Variants in MEIS1 observed in about 807,000 individuals in gnomAD.
MEIS1 encodes Meis homeobox 1, also known as homeobox protein Meis1.
A neutral mutation model predicts 50.8 loss-of-function variants in MEIS1; 5 were observed. That is an observed-to-expected ratio of 0.10 (90% CI 0.05 to 0.21). The LOEUF (loss-of-function observed/expected upper bound fraction) is 0.21. Ranked by LOEUF, MEIS1 falls within the 10% of genes least tolerant of loss-of-function variation. The probability of loss-of-function intolerance (pLI) is 1.00; values close to 1 mark genes in which losing one functional copy is unlikely to be tolerated. For missense variants in MEIS1, 318 were observed against 517.3 expected (o/e 0.61, Z 3.74); for synonymous variants, 176 against 179.3 (o/e 0.98, Z 0.15).
chr2:66,497,478 A>G (rs951033780), intron 7 of MEIS1, among the ~76,000 whole-genome samples: 1 of 152,182 alleles, frequency 6.6e-6, no homozygotes, highest in African/African-American at 2.4e-5. Flanking sequence ...TTGTCTAGAG[A>G]AGAGATGGAA....
chr2:66,457,915 G>C (rs1672430839), intron 6 of MEIS1, among the ~76,000 whole-genome samples: 1 of 152,210 alleles, frequency 6.6e-6, no homozygotes. Flanking sequence ...AGACAAGCCA[G>C]CTCTTTCAGG....
chr2:66,519,290 C>CA (rs922056402), intron 8 of MEIS1, among the ~76,000 whole-genome samples: 4 of 151,786 alleles, frequency 2.6e-5, no homozygotes, highest in Non-Finnish European at 5.9e-5. Flanking sequence ...CATGTGGTAG[C>CA]AAAAAAAATA....
At chr2:66,557,254 A>G (rs1040198888) in intron 9 of MEIS1, among the ~76,000 whole-genome samples, 4 of 152,260 alleles carry the variant, frequency 2.6e-5, no homozygotes, top group African/African-American at 9.6e-5. Context: ...GTCCACTAGA[A>G]TGTACTTATT....
At chr2:66,566,823 AAC>A (rs1491076637) in intron 9 of MEIS1, among the ~76,000 whole-genome samples, 8 of 127,594 alleles carry the variant, frequency 6.3e-5, no homozygotes, top group Admixed American at 7.9e-5. Flanking sequence ...AAAAAAAAAA[AAC>A]AACAACAACA....
rs535303435 is a variant in MEIS1 at position 66,527,940 on chromosome 2, A to C, written c.888+15646A>C. ...CTACTATGTACAAGGAACCATATAC[A>C]TCCGGAACGTTCTATGATGTTTGAA... On this transcript the variant is annotated intron_variant, in intron 8 of 12. Coordinates refer to ENST00000272369, the MANE Select transcript of MEIS1 (RefSeq NM_002398.3). Among the ~76,000 whole-genome samples the C allele has an allele frequency of 1.7e-4, 26 of 152,266 alleles. No individual in the cohort carries two copies. In the South Asian group the frequency reaches 4.6e-3, roughly 27 times the overall value.
intron 8 of MEIS1, among the ~76,000 whole-genome samples, chr2:66,524,043 A>C (rs1183624436): frequency 1.3e-5 from 2 of 152,214 alleles, no homozygotes; most frequent in Non-Finnish European, 2.9e-5. Context: ...AGAGACCAAA[A>C]TTTGCTCTTA....
rs191255667 is a variant in MEIS1 at position 66,475,025 on chromosome 2, A to G, written c.742+10805A>G. ...CTGTTGTAGTTTGACTCTTTCCTTG[A>G]GTGCCCCTACTACTTATGACAGCCA... On this transcript the variant is annotated intron_variant, in intron 7 of 12. Coordinates refer to ENST00000272369, the MANE Select transcript of MEIS1 (RefSeq NM_002398.3). Among the ~76,000 whole-genome samples the G allele has an allele frequency of 4.4e-3, 663 of 151,828 alleles. 6 individuals are homozygous for G. The highest frequency in any genetic ancestry group is 0.015 in the African/African-American group (633 of 41,462).
intron 8 of MEIS1, among the ~76,000 whole-genome samples, chr2:66,543,118 G>C (rs376296014): frequency 3.3e-5 from 5 of 152,180 alleles, no homozygotes; most frequent in African/African-American, 9.7e-5. Context: ...TCTTGAGTAA[G>C]TCACCATTTT....
intron 8 of MEIS1, among the ~76,000 whole-genome samples, chr2:66,525,652 T>A (rs372653466): frequency 1.6e-4 from 24 of 152,348 alleles, no homozygotes; most frequent in African/African-American, 5.8e-4. Flanking sequence ...TCTGAAAGCT[T>A]CTGATAGACG....
intron 8 of MEIS1, among the ~76,000 whole-genome samples, chr2:66,530,886 G>A (rs1358508118): frequency 6.6e-6 from 1 of 152,198 alleles, no homozygotes; most frequent in Admixed American, 6.5e-5. Flanking sequence ...AGTACTGGTT[G>A]TATAAGAAGT....
At chr2:66,506,606 T>G (rs1376264433) in intron 7 of MEIS1, among the ~76,000 whole-genome samples, 1 of 152,132 alleles carries the variant, frequency 6.6e-6, no homozygotes, top group Non-Finnish European at 1.5e-5. Flanking sequence ...ACCAAAGGAT[T>G]TTAAGTACCA....
At chr2:66,549,204 A>G (rs547100452) in intron 9 of MEIS1, among the ~76,000 whole-genome samples, 2 of 152,260 alleles carry the variant, frequency 1.3e-5, no homozygotes, top group East Asian at 3.9e-4. Context: ...TTGCCTTTGG[A>G]GGATTAATTT....
chr2:66,484,468 T>G (rs1394327242), intron 7 of MEIS1, among the ~76,000 whole-genome samples: 1 of 152,210 alleles, frequency 6.6e-6, no homozygotes, highest in Non-Finnish European at 1.5e-5. Context: ...ATTTATCCCT[T>G]CTCAAGGGAT....
rs1346106256 is a variant in MEIS1, at chr2:66,435,872, C to T, written c.12+4C>T. The T allele has an allele frequency of 2.6e-6, 4 of 1,558,436 alleles. No individual in the cohort carries two copies. Among genetic ancestry groups the T allele is most frequent in the Non-Finnish European group, 3.5e-6 (4 of 1,158,930 alleles). ...AGAGAGGCCGATGGCGCAAAGGGTA[C>T]GTATTAAAAAACAATTGTGGAACTC... is the stretch of plus-strand genomic sequence containing the variant. On this transcript the variant is annotated splice_donor_region_variant and intron_variant, in intron 1 of 12. Coordinates refer to ENST00000272369, the MANE Select transcript of MEIS1 (RefSeq NM_002398.3).
chr2:66,552,650 C>T (rs1674949219), intron 9 of MEIS1, among the ~76,000 whole-genome samples: 2 of 152,086 alleles, frequency 1.3e-5, no homozygotes, highest in Admixed American at 6.5e-5. Context: ...GTATGTTATC[C>T]TTGGAGATTT....
rs1672028202 is a variant in MEIS1 at position 66,442,808 on chromosome 2, G to A, written c.484-94G>A. On this transcript the variant is annotated intron_variant, in intron 5 of 12. Transcript: ENST00000272369. ...TGCCCTGTGTTTCCCCTATTTGGAAGTTTGGATCTCACAAGGGGGGTGGAT... is the reference window on the plus strand; with the variant it reads ...TGCCCTGTGTTTCCCCTATTTGGAAATTTGGATCTCACAAGGGGGGTGGAT... 21 of 1,224,662 alleles carry A rather than the reference G, an allele frequency of 1.7e-5. No homozygotes were observed. In the South Asian group the frequency reaches 3.6e-4, roughly 21 times the overall value. 75.9% of individuals were successfully genotyped at this position (1,224,662 alleles called of 1,614,324 possible). A position where few individuals can be genotyped will look rare whatever the true frequency, so the allele number is the denominator to read the frequency against.
At chr2:66,440,671 C>T in intron 4 of MEIS1, 59 bp downstream of exon 4, 9 of 1,207,106 alleles carry the variant, frequency 7.5e-6, no homozygotes, top group Non-Finnish European at 1.1e-5. Flanking sequence ...CCACCTCCAA[C>T]GCCCTCAGCT....
At chr2:66,512,025 G>A in intron 7 of MEIS1, 124 bp from the exon 8 acceptor site, 1 of 1,137,740 alleles carries the variant, frequency 8.8e-7, no homozygotes, top group Non-Finnish European at 1.2e-6. Context: ...CAAAAAAACA[G>A]TACCAAAGAA....
chr2:66,541,600 C>A (rs966966264), intron 8 of MEIS1, among the ~76,000 whole-genome samples: 1 of 152,064 alleles, frequency 6.6e-6, no homozygotes, highest in African/African-American at 2.4e-5. Flanking sequence ...CTCTACTGGG[C>A]CCCAGAAAAA....
Sources: gnomAD v4.1 joint callset for allele counts (sites outside exome capture counted in the v4.1 genomes callset) on GRCh38, gnomAD v4.1.1 for gene constraint, MANE v1.5 for transcripts, NCBI Gene and HGNC (gene_info 2026-07-23, HGNC 2026-07-21) for gene names.